CUL5: variants seen among roughly 807,000 people sequenced by gnomAD.
The protein encoded by CUL5 is cullin 5.
CUL5 carries 26 observed loss-of-function variants against 108.8 expected under a neutral mutation model. The observed-to-expected ratio is 0.24, with a 90% CI of 0.18 to 0.33. The LOEUF is 0.33. Among genes scored for constraint, CUL5 ranks in the 10% least tolerant of loss-of-function variants. The pLI, the probability that CUL5 is intolerant of heterozygous loss-of-function variation, is 1.00. For synonymous variants in CUL5, 334 were observed against 298.0 expected (o/e 1.12, Z -1.25); for missense variants, 524 against 909.2 (o/e 0.58, Z 5.45).
chr11:108,056,832 G>T (rs1325737479), intron 7 of CUL5, among the ~76,000 whole-genome samples: 1 of 152,132 alleles, frequency 6.6e-6, no homozygotes, highest in Non-Finnish European at 1.5e-5. Flanking sequence ...CTTAGAGGTG[G>T]AACATTGTAT....
intron 2 of CUL5, among the ~76,000 whole-genome samples, chr11:108,045,501 C>G (rs1863043003): frequency 6.6e-6 from 1 of 152,150 alleles, no homozygotes; most frequent in African/African-American, 2.4e-5. Flanking sequence ...AGGGGGATCC[C>G]TTGAGCACAG....
chr11:108,073,375 A>G lies in CUL5; in HGVS notation c.1006-15A>G. 8.1e-7 allele frequency: 1 copy of G among 1,240,808 alleles called. No individual in the cohort carries two copies. Among genetic ancestry groups the G allele is most frequent in the Non-Finnish European group, 1.2e-6 (1 of 865,452 alleles). The allele number at this position is 1,240,808 out of a possible 1,614,324, so 76.9% of individuals were successfully genotyped here. On this transcript the variant is annotated splice_polypyrimidine_tract_variant and intron_variant, in intron 9 of 18. Coordinates refer to ENST00000393094, the MANE Select transcript of CUL5 (RefSeq NM_003478.6). The stretch of plus-strand genomic sequence containing the variant: ...TTTTCTTTTAAAAACTTAATGTAAA[A>G]CCTTTTGTTTCTAGGACTCTGAGAA...
chr11:108,033,769 A>G (rs755590251), intron 1 of CUL5, 33 bp from the exon 2 acceptor site: 1 of 1,369,720 alleles, frequency 7.3e-7, no homozygotes, highest in South Asian at 1.2e-5. Context: ...CTGCATTTAA[A>G]TTAAACTCCC....
At chr11:108,067,736 C>G (rs1053421416) in intron 7 of CUL5, among the ~76,000 whole-genome samples, 6 of 152,040 alleles carry the variant, frequency 3.9e-5, no homozygotes, top group Admixed American at 3.9e-4. Flanking sequence ...TGTCTTTGTT[C>G]TCTATTAGTT....
In CUL5 at chr11:108,070,250, CACTT is replaced by C; in HGVS notation, c.874+65_874+68del. 3.2e-6 allele frequency: 4 copies of C among 1,241,340 alleles called. No individual in the cohort carries two copies. The South Asian group carries it at 3.8e-5, about 12-fold the overall frequency. 76.9% of individuals were successfully genotyped at this position (1,241,340 alleles called of 1,614,324 possible). A position where few individuals can be genotyped will look rare whatever the true frequency, so the allele number is the denominator to read the frequency against. On this transcript the variant is annotated intron_variant, in intron 8 of 18. Coordinates refer to ENST00000393094, the MANE Select transcript of CUL5 (RefSeq NM_003478.6). ...CTAAGAGGGTATCTTTGAAACAAATCACTTACTAAGTTGCTCTTAGTTAATTCTT... is the reference window on the plus strand; with the variant it reads ...CTAAGAGGGTATCTTTGAAACAAATCACTAAGTTGCTCTTAGTTAATTCTT...
chr11:108,042,803 C>A (rs1218436232), intron 2 of CUL5, among the ~76,000 whole-genome samples: 1 of 151,848 alleles, frequency 6.6e-6, no homozygotes, highest in Admixed American at 6.6e-5. Context: ...TGCCCTGTTG[C>A]CCAGGCTGGA....
chr11:108,033,706 G>C, intron 1 of CUL5, 96 bp from the exon 2 acceptor site: 1 of 695,026 alleles, frequency 1.4e-6, no homozygotes, highest in African/African-American at 1.8e-5. Context: ...TTAAATTTGA[G>C]CCCTTCATTT....
intron 10 of CUL5, among the ~76,000 whole-genome samples, chr11:108,075,165 G>A (rs956848310): frequency 6.6e-6 from 1 of 151,930 alleles, no homozygotes; most frequent in Non-Finnish European, 1.5e-5. Context: ...CAGAGTGATG[G>A]TAGAGGTGGT....
chr11:108,017,888 C>T (rs1349680919), intron 1 of CUL5, among the ~76,000 whole-genome samples: 1 of 152,104 alleles, frequency 6.6e-6, no homozygotes, highest in Non-Finnish European at 1.5e-5. Flanking sequence ...CTATTTTACT[C>T]ACTTATTTAC....
In CUL5 at chr11:108,052,086, C is replaced by T. The variant is rs186929417; in HGVS notation, c.412-574C>T. Reference sequence around the variant, plus strand: ...ACTTAAGTGATCCTCCCACCTCAGCCTCCCAAGTAGCTGGGACTACAGGCA... The same window carrying T: ...ACTTAAGTGATCCTCCCACCTCAGCTTCCCAAGTAGCTGGGACTACAGGCA... On this transcript the variant is annotated intron_variant, in intron 4 of 18. Coordinates refer to ENST00000393094, the MANE Select transcript of CUL5 (RefSeq NM_003478.6). 7.3e-4 allele frequency among the ~76,000 whole-genome samples: 111 copies of T among 152,266 alleles called. 1 individual carries two copies. The highest frequency in any genetic ancestry group is 1.8e-3 in the African/African-American group (75 of 41,556).
intron 4 of CUL5, among the ~76,000 whole-genome samples, 197 bp from the exon 5 acceptor site, chr11:108,052,463 T>C (rs1863253705): frequency 6.6e-6 from 1 of 152,038 alleles, no homozygotes; most frequent in Non-Finnish European, 1.5e-5. Flanking sequence ...GATTTTGCCC[T>C]GCTGCCCAGG....
rs73557135 is a variant in CUL5, at chr11:108,068,934, G to A, written c.781-1162G>A. On this transcript the variant is annotated intron_variant, in intron 7 of 18. Transcript: ENST00000393094. ...ATCTTTAATAATGACTTGAGGAGAG[G>A]AGAATCTCATTACATTTATCCTCTG... Among the ~76,000 whole-genome samples the A allele has an allele frequency of 5.9e-3, 891 of 152,196 alleles. 11 individuals carry two copies. Among genetic ancestry groups the A allele is most frequent in the African/African-American group, 0.02 (839 of 41,526 alleles).
chr11:108,032,405 G>A (rs893003023), intron 1 of CUL5, among the ~76,000 whole-genome samples: 3 of 152,122 alleles, frequency 2.0e-5, no homozygotes, highest in African/African-American at 7.2e-5. Context: ...CTACTTGGGA[G>A]GATCAGGCAG....
At chr11:108,009,632 G>A (rs1038693856) in intron 1 of CUL5, among the ~76,000 whole-genome samples, 5 of 152,154 alleles carry the variant, frequency 3.3e-5, no homozygotes, top group Admixed American at 2.0e-4. Context: ...TGCTTTCAAG[G>A]GACCAGCTCT....
intron 1 of CUL5, among the ~76,000 whole-genome samples, chr11:108,031,392 A>T (rs1315197858): frequency 1.3e-5 from 2 of 151,726 alleles, no homozygotes; most frequent in South Asian, 4.2e-4. Flanking sequence ...CATGAGTTTC[A>T]TAGGGTGTTT....
chr11:108,083,900 C>T lies in CUL5; in HGVS notation c.1179-4627C>T, dbSNP rs529942777. 5.9e-5 allele frequency among the ~76,000 whole-genome samples: 9 copies of T among 152,310 alleles called. No individual in the cohort carries two copies. The South Asian group carries it at 6.2e-4, about 11-fold the overall frequency. ...TCTAGAACAAGCTTGTCCAACCCTG[C>T]GGGCTGCATGCGGCCCAGGACGGCT... is the stretch of plus-strand genomic sequence containing the variant. On this transcript the variant is annotated intron_variant, in intron 11 of 18. Transcript: ENST00000393094.
chr11:108,027,074 A>G (rs1259918341), intron 1 of CUL5, among the ~76,000 whole-genome samples: 1 of 151,716 alleles, frequency 6.6e-6, no homozygotes, highest in Non-Finnish European at 1.5e-5. Flanking sequence ...CTTATACAGG[A>G]AAAATTGTGA....
intron 1 of CUL5, among the ~76,000 whole-genome samples, chr11:108,026,569 C>T (rs1176197742): frequency 2.0e-5 from 3 of 152,164 alleles, no homozygotes; most frequent in Non-Finnish European, 4.4e-5. Context: ...TGCGCTAGAT[C>T]CCATTCCCTC....
Position 108,058,335 on chromosome 11 carries a change from G to C in CUL5, c.780+3380G>C, listed in dbSNP as rs1195915480. Among the ~76,000 whole-genome samples the C allele has an allele frequency of 2.4e-5, 3 of 126,650 alleles. No individual in the cohort carries two copies. The Admixed American group carries it at 2.9e-4, about 12-fold the overall frequency. 83.1% of individuals were successfully genotyped at this position (126,650 alleles called of 152,430 possible). ...GCAGTCTCCGCTCACTGCAACCTCTGCTTCCCAGGTTCATGTGATTCTCAT... is the reference window on the plus strand; with the variant it reads ...GCAGTCTCCGCTCACTGCAACCTCTCCTTCCCAGGTTCATGTGATTCTCAT... On this transcript the variant is annotated intron_variant, in intron 7 of 18. Transcript: ENST00000393094.
Sources: allele counts gnomAD v4.1 joint callset (sites outside exome capture counted in the v4.1 genomes callset), GRCh38; gene constraint gnomAD v4.1.1; transcripts MANE v1.5; gene names NCBI Gene and HGNC (gene_info 2026-07-23, HGNC 2026-07-21).